The following TRIM52 variants were observed in gnomAD, a reference collection of about 807,000 sequenced individuals.
The protein encoded by TRIM52 is E3 ubiquitin-protein ligase TRIM52.
In TRIM52, 24 loss-of-function variants were observed where a neutral mutation model predicts 27.0. The observed-to-expected ratio is 0.89, with a 90% CI of 0.64 to 1.25. TRIM52 has a LOEUF of 1.25. TRIM52 is among the 50% of genes most tolerant of loss of function. The probability of loss-of-function intolerance (pLI) is 0.00; values close to 1 mark genes in which losing one functional copy is unlikely to be tolerated. For missense variants in TRIM52, 351 were observed against 354.7 expected (o/e 0.99, Z 0.08); for synonymous variants, 125 against 126.5 (o/e 0.99, Z 0.08).
Position 181,260,010 on chromosome 5 carries a change from C to T in TRIM52, c.804G>A (p.Gln268=), listed in dbSNP as rs1428424312. The T allele has an allele frequency of 1.2e-6, 2 of 1,613,866 alleles. No individual in the cohort carries two copies. The highest frequency in any genetic ancestry group is 1.7e-6 in the Non-Finnish European group (2 of 1,180,044). Residue 268 remains glutamine (Q), a synonymous_variant, in exon 1 of 2, where the codon CAG becomes CAA. Coordinates refer to ENST00000688015, the MANE Select transcript of TRIM52 (RefSeq NM_001346048.2). This position sits in a 1 kb window ranked among gnomAD's most constrained non-coding sequence, Gnocchi z 4.4. ...HSVLPLEEVV[Q]EYQKIGSTSS... ...CCCTCATTTCTCTCACCTGGTACTCCTGCACCACCTCCTCCAAAGGCAGCA... is the reference window on the plus strand; with the variant it reads ...CCCTCATTTCTCTCACCTGGTACTCTTGCACCACCTCCTCCAAAGGCAGCA...
downstream of TRIM52, among the ~76,000 whole-genome samples, chr5:181,251,355 G>A (rs779072832): frequency 1.3e-5 from 2 of 151,982 alleles, no homozygotes; most frequent in East Asian, 3.9e-4. Flanking sequence ...CCTCAGCAGG[G>A]GGAATCGCTA....
chr5:181,252,733 G>A (rs1408375190), downstream of TRIM52, among the ~76,000 whole-genome samples: 1 of 152,186 alleles, frequency 6.6e-6, no homozygotes, highest in Non-Finnish European at 1.5e-5. Context: ...GTACTTTAGG[G>A]ACTGATGTTA....
At position 181,255,749 on chromosome 5, in the gene TRIM52, T is replaced by C. The variant is rs139858783; in HGVS notation, c.*1060A>G. 1.1e-4 allele frequency: 17 copies of C among 152,330 alleles called. No homozygotes were observed. The East Asian group carries it at 2.9e-3, about 26-fold the overall frequency. The allele number at this position is 152,330 out of a possible 1,614,324, so 9.4% of individuals were successfully genotyped here. A position where few individuals can be genotyped will look rare whatever the true frequency, so the allele number is the denominator to read the frequency against. Reference sequence around the variant, plus strand: ...ATGTATTTCATAATGAACGGCGAAATTGGTGTTTGCCCATTGACATTTCAG... The same window carrying C: ...ATGTATTTCATAATGAACGGCGAAACTGGTGTTTGCCCATTGACATTTCAG... On this transcript the variant is annotated 3_prime_UTR_variant, in exon 2 of 2. Coordinates refer to ENST00000688015, the MANE Select transcript of TRIM52 (RefSeq NM_001346048.2).
rs1037981409 is a variant in TRIM52 at position 181,255,256 on chromosome 5, T to G, written c.*1553A>C. 2 of 152,224 alleles carry G rather than the reference T, an allele frequency of 1.3e-5. No individual in the cohort carries two copies. Among genetic ancestry groups the G allele is most frequent in the Non-Finnish European group, 2.9e-5 (2 of 68,036 alleles). 9.4% of individuals were successfully genotyped at this position (152,224 alleles called of 1,614,324 possible). On this transcript the variant is annotated 3_prime_UTR_variant, in exon 2 of 2. Transcript: ENST00000688015. ...AAAGGTGCAAGAAAACACAAGCTGC[T>G]TTTAATAACACTCTTGCACTGCTTT...
chr5:181,260,741 C>T lies in TRIM52; in HGVS notation c.73G>A (p.Asp25Asn), dbSNP rs1348023815. The T allele has an allele frequency of 6.2e-7, 1 of 1,613,784 alleles. No individual in the cohort carries two copies. The highest frequency in any genetic ancestry group is 8.5e-7 in the Non-Finnish European group (1 of 1,179,934). ...ATGGACACGGGGTCCTTGAAGTAAT[C>T]CAAGCAGATGGCACACACCGCTTCC... ...QEEAVCAICLDYFKDPVSISC... is the reference protein window; with the variant it reads ...QEEAVCAICLNYFKDPVSISC... Residue 25 changes from aspartate (D) to asparagine (N), a missense_variant, in exon 1 of 2, where the codon GAT becomes AAT. Physicochemically the swap from Asp to Asn is conservative, Grantham distance 23. Transcript: ENST00000688015. The surrounding 1 kb of genome is among the most constrained non-coding windows in gnomAD (Gnocchi z 4.4).
intron 1 of TRIM52, chr5:181,257,563 T>C: frequency 7.9e-7 from 1 of 1,270,354 alleles, no homozygotes; most frequent in Non-Finnish European, 1.1e-6. Flanking sequence ...TATACTGTAT[T>C]AAATAAACCA....
At chr5:181,259,854 T>C in intron 1 of TRIM52, 147 bp downstream of exon 1, 1 of 1,522,692 alleles carries the variant, frequency 6.6e-7, no homozygotes, top group Non-Finnish European at 8.8e-7. Context: ...TATGACCATC[T>C]CTCTCCACCG....
rs191153630 is a variant in TRIM52 at position 181,260,972 on chromosome 5, G to C, written c.-159C>G. The C allele has an allele frequency of 7.6e-4, 848 of 1,112,036 alleles. 3 individuals carry two copies. The East Asian group carries it at 9.8e-3, about 13-fold the overall frequency. The allele number at this position is 1,112,036 out of a possible 1,614,324, so 68.9% of individuals were successfully genotyped here. A position where few individuals can be genotyped will look rare whatever the true frequency, so the allele number is the denominator to read the frequency against. ...GGGGAGCTTTGACCCCCTCTCTCAGGGTGCGAACGCCCAGATCCAGACTCA... is the reference window on the plus strand; with the variant it reads ...GGGGAGCTTTGACCCCCTCTCTCAGCGTGCGAACGCCCAGATCCAGACTCA... On this transcript the variant is annotated 5_prime_UTR_variant, in exon 1 of 2. Transcript: ENST00000688015. The surrounding 1 kb of genome is among the most constrained non-coding windows in gnomAD (Gnocchi z 4.4).
downstream of TRIM52, among the ~76,000 whole-genome samples, chr5:181,251,016 G>A (rs150043998): frequency 0.012 from 1,856 of 152,268 alleles, 39 homozygotes; most frequent in African/African-American, 0.042. Context: ...ATGGCTGGGC[G>A]TGGTGGCTCC....
chr5:181,260,820 G>A lies in TRIM52; in HGVS notation c.-7C>T, dbSNP rs772581764. On this transcript the variant is annotated 5_prime_UTR_variant, in exon 1 of 2. Coordinates refer to ENST00000688015, the MANE Select transcript of TRIM52 (RefSeq NM_001346048.2). The surrounding 1 kb of genome is among the most constrained non-coding windows in gnomAD (Gnocchi z 4.4). The stretch of plus-strand genomic sequence containing the variant: ...TAGTGGCATAACCAGCCATCTTAAT[G>A]CCCGCCGGCAGGTGTAGATACGTCA... The A allele has an allele frequency of 6.4e-7, 1 of 1,573,866 alleles. No individual in the cohort carries two copies. The highest frequency in any genetic ancestry group is 8.6e-7 in the Non-Finnish European group (1 of 1,156,080).
intron 1 of TRIM52, chr5:181,258,426 C>T (rs769676221): frequency 6.6e-6 from 1 of 152,206 alleles, no homozygotes; most frequent in Admixed American, 6.5e-5. Flanking sequence ...AAGGTTCTCT[C>T]TTTTCCTCAG....
At chr5:181,257,014 T>G (rs1304285847) in intron 1 of TRIM52, 155 bp from the exon 2 acceptor site, 5 of 991,036 alleles carry the variant, frequency 5.0e-6, no homozygotes, top group Non-Finnish European at 6.0e-6. Context: ...ATTTTATTGG[T>G]GGCAGCTGGG....
rs1241768575 is a variant in TRIM52 at position 181,260,318 on chromosome 5, A to G, written c.496T>C (p.Tyr166His). 21 of 1,614,018 alleles carry G rather than the reference A, an allele frequency of 1.3e-5. No homozygotes were observed. Among genetic ancestry groups the G allele is most frequent in the Non-Finnish European group, 1.6e-5 (19 of 1,180,038 alleles). The change falls in exon 1 of 2, where the codon TAT (tyrosine) becomes CAT (histidine). Residue 166 changes from tyrosine to histidine, a missense_variant. Physicochemically the swap from Tyr to His is moderately conservative, Grantham distance 83. Coordinates refer to ENST00000688015, the MANE Select transcript of TRIM52 (RefSeq NM_001346048.2). This position sits in a 1 kb window ranked among gnomAD's most constrained non-coding sequence, Gnocchi z 4.4. The part of the protein sequence containing the change: ...AYDEDEDEEL[Y>H]PDIHPPPSLP... ...GAAGGAGGCGGGTGGATGTCAGGAT[A>G]CAGCTCTTCATCTTCGTCCTCATCG...
chr5:181,259,821 T>G, intron 1 of TRIM52, 180 bp downstream of exon 1: 2 of 1,384,074 alleles, frequency 1.4e-6, no homozygotes, highest in Non-Finnish European at 1.9e-6. Context: ...ATCTTCATGG[T>G]TTTGTGTCTC....
rs373894818 is a variant in TRIM52, at chr5:181,260,223, G to C, written c.591C>G (p.Pro197=). The change falls in exon 1 of 2, where the codon CCC becomes CCG. Residue 197 remains proline (P), a synonymous_variant. Coordinates refer to ENST00000688015, the MANE Select transcript of TRIM52 (RefSeq NM_001346048.2). The surrounding 1 kb of genome is among the most constrained non-coding windows in gnomAD (Gnocchi z 4.4). The part of the protein sequence containing the change: ...RKSFTRRSFR[P]NLQLANMVQI... ...GGACCATGTTGGCCAGCTGCAAGTT[G>C]GGACGAAAGCTGCGACGTGTAAAGC... 4.0e-5 allele frequency: 64 copies of C among 1,614,108 alleles called. No individual in the cohort carries two copies. The highest frequency in any genetic ancestry group is 1.6e-4 in the Middle Eastern group (1 of 6,084).
At chr5:181,249,433 A>C (rs1352112093), downstream of TRIM52, among the ~76,000 whole-genome samples, 1 of 152,174 alleles carries the variant, frequency 6.6e-6, no homozygotes, top group African/African-American at 2.4e-5. Flanking sequence ...CTGTAATCCC[A>C]GCAGTTTGGG....
downstream of TRIM52, among the ~76,000 whole-genome samples, chr5:181,249,449 G>A (rs923614951): frequency 3.3e-5 from 5 of 152,172 alleles, no homozygotes; most frequent in South Asian, 2.1e-4. Flanking sequence ...TTGGGAGGCT[G>A]AGGTGGGAGG....
At chr5:181,249,473 A>G (rs986730731), downstream of TRIM52, among the ~76,000 whole-genome samples, 1 of 152,108 alleles carries the variant, frequency 6.6e-6, no homozygotes, top group Non-Finnish European at 1.5e-5. Flanking sequence ...ACTTGAACTC[A>G]GGTGTTCAAG....
intron 1 of TRIM52, chr5:181,259,141 C>T (rs1759919460): frequency 6.6e-6 from 1 of 152,206 alleles, no homozygotes; most frequent in Non-Finnish European, 1.5e-5. Context: ...AGGCATTAAC[C>T]ATATCAGCAC....
Sources: allele counts gnomAD v4.1 joint callset (sites outside exome capture counted in the v4.1 genomes callset), GRCh38; gene constraint gnomAD v4.1.1; non-coding constraint Gnocchi (gnomAD v3.1); transcripts MANE v1.5; gene names NCBI Gene and HGNC (gene_info 2026-07-23, HGNC 2026-07-21).